The following RPSA2 variants were observed in gnomAD, a reference collection of about 807,000 sequenced individuals.
RPSA2 encodes small ribosomal subunit protein uS2B.
At chr19:23,772,477 TAACTC>T in the RPSA2 span, among the ~76,000 whole-genome samples, 2 of 152,188 alleles carry the variant, frequency 1.3e-5, no homozygotes, top group African/African-American at 4.8e-5. Flanking sequence ...ATTACTCTCA[TAACTC>T]AAGTCAGCTA....
At chr19:23,792,024 CTGAT>C in the RPSA2 span, among the ~76,000 whole-genome samples, 25 of 152,140 alleles carry the variant, frequency 1.6e-4, no homozygotes, top group Non-Finnish European at 3.1e-4. Context: ...GCCCTGCCGA[CTGAT>C]TGTTTACTAC....
At chr19:23,780,407 G>C in the RPSA2 span, among the ~76,000 whole-genome samples, 1 of 152,172 alleles carries the variant, frequency 6.6e-6, no homozygotes, top group Non-Finnish European at 1.5e-5. Flanking sequence ...ACTTTGGGAG[G>C]CTGAGGTGGG....
chr19:23,786,935 A>G, the RPSA2 span, among the ~76,000 whole-genome samples: 1 of 151,786 alleles, frequency 6.6e-6, no homozygotes, highest in Non-Finnish European at 1.5e-5. Flanking sequence ...GCCTACATGG[A>G]AAGCTGTGGC....
At chr19:23,867,566 C>T in the RPSA2 span, among the ~76,000 whole-genome samples, 2 of 152,236 alleles carry the variant, frequency 1.3e-5, no homozygotes. Flanking sequence ...TGCGGTGGCT[C>T]ACGCCTGTAA....
chr19:23,836,721 G>A, the RPSA2 span, among the ~76,000 whole-genome samples: 1 of 152,158 alleles, frequency 6.6e-6, no homozygotes, highest in Non-Finnish European at 1.5e-5. Context: ...TGCAGGAATA[G>A]AGTGGTATCG....
At chr19:23,849,723 G>A in the RPSA2 span, among the ~76,000 whole-genome samples, 6 of 152,040 alleles carry the variant, frequency 3.9e-5, no homozygotes, top group East Asian at 1.9e-4. Context: ...TCCTGCCAGC[G>A]GAGCAATTGT....
chr19:23,799,282 A>G, the RPSA2 span: 1 of 152,218 alleles, frequency 6.6e-6, no homozygotes, highest in Non-Finnish European at 1.5e-5. Flanking sequence ...AAGCCCTATT[A>G]GTATCCCATA....
the RPSA2 span, among the ~76,000 whole-genome samples, chr19:23,846,037 C>T: frequency 2.6e-5 from 4 of 152,160 alleles, no homozygotes; most frequent in East Asian, 3.9e-4. Flanking sequence ...TATTGTGTTA[C>T]CTATAGAGAT....
At chr19:23,831,840 T>C in the RPSA2 span, 1 of 289,628 alleles carries the variant, frequency 3.5e-6, no homozygotes, top group Admixed American at 4.1e-5. Context: ...CTTTATAAAT[T>C]TTTAAATTCA....
chr19:23,831,159 A>G, the RPSA2 span, among the ~76,000 whole-genome samples: 1 of 151,974 alleles, frequency 6.6e-6, no homozygotes, highest in Admixed American at 6.6e-5. Flanking sequence ...ATATGCCACC[A>G]TTTCTTTCAG....
chr19:23,785,401 T>C, the RPSA2 span, among the ~76,000 whole-genome samples: 5 of 152,000 alleles, frequency 3.3e-5, no homozygotes, highest in African/African-American at 1.2e-4. Flanking sequence ...TTGTGACATA[T>C]CTCTGCATCA....
At chr19:23,843,768 C>A in the RPSA2 span, among the ~76,000 whole-genome samples, 1 of 151,798 alleles carries the variant, frequency 6.6e-6, no homozygotes, top group Non-Finnish European at 1.5e-5. Flanking sequence ...CTTCTGTTTT[C>A]TTTTTTTTGA....
At chr19:23,841,687 T>A in the RPSA2 span, among the ~76,000 whole-genome samples, 1 of 152,182 alleles carries the variant, frequency 6.6e-6, no homozygotes, top group Non-Finnish European at 1.5e-5. Context: ...TCTCTAGGCA[T>A]AAGCCTGGGC....
the RPSA2 span, among the ~76,000 whole-genome samples, chr19:23,760,567 A>G: frequency 1.3e-4 from 19 of 151,850 alleles, no homozygotes; most frequent in African/African-American, 3.4e-4. Context: ...AATCTCACCG[A>G]GCTGTAGCAG....
At chr19:23,759,527 T>TTTTTTTTG in the RPSA2 span, among the ~76,000 whole-genome samples, 3 of 131,490 alleles carry the variant, frequency 2.3e-5, no homozygotes, top group African/African-American at 8.5e-5. Context: ...ATCAGGTTTT[T>TTTTTTTTG]TTTTTTTTTT....
the RPSA2 span, among the ~76,000 whole-genome samples, chr19:23,772,134 G>T: frequency 6.6e-6 from 1 of 152,324 alleles, no homozygotes; most frequent in Non-Finnish European, 1.5e-5. Context: ...TGAAGTAAAA[G>T]ATGTGACATT....
the RPSA2 span, among the ~76,000 whole-genome samples, chr19:23,836,392 C>A: frequency 1.3e-5 from 2 of 151,964 alleles, no homozygotes; most frequent in African/African-American, 2.4e-5. Flanking sequence ...CACACACACC[C>A]CACAGTTTCT....
chr19:23,762,403 C>T, the RPSA2 span, among the ~76,000 whole-genome samples: 2 of 151,214 alleles, frequency 1.3e-5, no homozygotes, highest in African/African-American at 4.9e-5. Context: ...GGGCAGGGCG[C>T]GGTGGCTCAT....
the RPSA2 span, among the ~76,000 whole-genome samples, chr19:23,852,315 C>T: frequency 2.7e-5 from 4 of 147,168 alleles, no homozygotes; most frequent in South Asian, 2.2e-4. Flanking sequence ...GTTGGGGAGA[C>T]CCTAACCCAG....
Sources: gnomAD v4.1 joint callset for allele counts (sites outside exome capture counted in the v4.1 genomes callset) on GRCh38, gnomAD v4.1.1 for gene constraint, MANE v1.5 for transcripts, NCBI Gene and HGNC (gene_info 2026-07-23, HGNC 2026-07-21) for gene names.